UNC13C: variants seen among roughly 807,000 people sequenced by gnomAD.
UNC13C encodes unc-13 homolog C.
UNC13C carries 174 observed loss-of-function variants against 245.4 expected under a neutral mutation model. The observed-to-expected ratio is 0.71, with a 90% CI of 0.63 to 0.80. UNC13C has a LOEUF of 0.80. Ranked by LOEUF, UNC13C falls within the 30% of genes least tolerant of loss-of-function variation. UNC13C has a pLI of 0.00. For synonymous variants in UNC13C, 992 were observed against 895.1 expected, an observed-to-expected ratio of 1.11 and a Z score of -1.93; for missense variants, 2,829 against 2,602.9, an observed-to-expected ratio of 1.09 and a Z score of -1.89.
Position 54,555,447 on chromosome 15 carries a change from GA to G in UNC13C, c.5894del (p.Glu1965GlyfsTer6). The G allele has an allele frequency of 6.2e-7, 1 of 1,612,356 alleles. No homozygotes were observed. The part of the protein sequence containing the change: ...LSKLKEHMIR[E>X]DARGLTPRQC... ...TGTTTTCCAGGAGCACATGATTCGA[GA>G]GGATGCCAGGGGTCTGACGCCAAGA... On this transcript the variant is annotated frameshift_variant, in exon 29 of 33. Transcript: ENST00000260323. LOFTEE classifies it high-confidence loss of function.
At chr15:54,419,129 A>C (rs1453043250) in intron 19 of UNC13C, among the ~76,000 whole-genome samples, 1 of 152,228 alleles carries the variant, frequency 6.6e-6, no homozygotes, top group East Asian at 1.9e-4. Flanking sequence ...GCTATTATTT[A>C]GGTACACCTT....
At chr15:53,983,360 C>T (rs1403870595) in intron 1 of UNC13C, among the ~76,000 whole-genome samples, 1 of 150,218 alleles carries the variant, frequency 6.7e-6, no homozygotes, top group East Asian at 2.0e-4. Flanking sequence ...AGGGAGCTCT[C>T]GTGGCTGAAG....
rs527756950 is a variant in UNC13C, at chr15:54,118,336, G to GT, written c.2984-24676dup. Among the ~76,000 whole-genome samples, 71 of 151,594 alleles carry GT rather than the reference G, an allele frequency of 4.7e-4. 1 individual carries two copies. The highest frequency in any genetic ancestry group is 1.7e-3 in the African/African-American group (70 of 41,312). On this transcript the variant is annotated intron_variant, in intron 2 of 32. Transcript: ENST00000260323. Reference sequence around the variant, plus strand: ...TCCTCTTCAATTTTTTTTCATCAGTGTTTTTTAGTTTTTCTTGTATAGATA... The same window carrying GT: ...TCCTCTTCAATTTTTTTTCATCAGTGTTTTTTTAGTTTTTCTTGTATAGATA...
At chr15:54,486,589 A>C (rs912782424) in intron 19 of UNC13C, among the ~76,000 whole-genome samples, 1 of 152,212 alleles carries the variant, frequency 6.6e-6, no homozygotes, top group Non-Finnish European at 1.5e-5. Context: ...ACTTTGTACT[A>C]TATTTATTTA....
intron 19 of UNC13C, among the ~76,000 whole-genome samples, chr15:54,454,332 T>G (rs2141013410): frequency 6.6e-6 from 1 of 152,166 alleles, no homozygotes; most frequent in Non-Finnish European, 1.5e-5. Flanking sequence ...ATCCCAGCAC[T>G]TTGGGAGGCC....
At chr15:54,016,834 T>C (rs1210661254) in intron 2 of UNC13C, among the ~76,000 whole-genome samples, 1 of 152,226 alleles carries the variant, frequency 6.6e-6, no homozygotes, top group African/African-American at 2.4e-5. Context: ...TATTATTATG[T>C]TCCCTGATCA....
chr15:53,883,710 A>T, the UNC13C span, among the ~76,000 whole-genome samples: 3 of 152,202 alleles, frequency 2.0e-5, no homozygotes, highest in Non-Finnish European at 4.4e-5. Context: ...TTATTTGTCA[A>T]AGGAGTTATA....
At chr15:54,339,517 G>A (rs2038676226) in intron 17 of UNC13C, among the ~76,000 whole-genome samples, 1 of 152,012 alleles carries the variant, frequency 6.6e-6, no homozygotes, top group South Asian at 2.1e-4. Context: ...AACATACAAT[G>A]TTTAGCTTTC....
At chr15:54,019,309 T>C (rs1895794857) in intron 2 of UNC13C, among the ~76,000 whole-genome samples, 1 of 152,162 alleles carries the variant, frequency 6.6e-6, no homozygotes, top group South Asian at 2.1e-4. Flanking sequence ...GAAAAACTGA[T>C]AAGAGATGAA....
intron 2 of UNC13C, among the ~76,000 whole-genome samples, chr15:54,047,421 T>C (rs879662935): frequency 5.3e-5 from 8 of 152,160 alleles, no homozygotes; most frequent in Middle Eastern, 6.8e-3. Flanking sequence ...CTACCCTTCC[T>C]TCTCCCCACC....
At chr15:53,839,207 T>G in the UNC13C span, among the ~76,000 whole-genome samples, 2 of 152,052 alleles carry the variant, frequency 1.3e-5, no homozygotes, top group African/African-American at 2.4e-5. Flanking sequence ...TATTTTTTAC[T>G]GTTCTTCCCA....
chr15:54,467,313 A>C (rs1892228408), intron 19 of UNC13C, among the ~76,000 whole-genome samples: 1 of 151,772 alleles, frequency 6.6e-6, no homozygotes, highest in Non-Finnish European at 1.5e-5. Context: ...TTAAATCCAA[A>C]TATTTGCCAA....
At chr15:54,247,475 C>G (rs1461915607) in intron 7 of UNC13C, among the ~76,000 whole-genome samples, 1 of 152,164 alleles carries the variant, frequency 6.6e-6, no homozygotes, top group Admixed American at 6.5e-5. Flanking sequence ...TGTTCCTAAA[C>G]TATCAACTCA....
chr15:54,129,395 A>T (rs1290160807), intron 2 of UNC13C, among the ~76,000 whole-genome samples: 1 of 152,176 alleles, frequency 6.6e-6, no homozygotes, highest in Non-Finnish European at 1.5e-5. Flanking sequence ...TTAGAAAATT[A>T]ATTAGGTGCA....
intron 4 of UNC13C, among the ~76,000 whole-genome samples, chr15:54,223,016 T>G (rs368055907): frequency 0.046 from 7,018 of 152,240 alleles, 306 homozygotes; most frequent in East Asian, 0.23. Context: ...ATGGATAGAT[T>G]GCAAATATTT....
At chr15:54,135,907 G>C (rs1381153651) in intron 2 of UNC13C, among the ~76,000 whole-genome samples, 1 of 152,098 alleles carries the variant, frequency 6.6e-6, no homozygotes. Context: ...AATTTTGGTA[G>C]AGATTCCTTT....
At chr15:54,096,419 T>C (rs909273383) in intron 2 of UNC13C, among the ~76,000 whole-genome samples, 2 of 152,142 alleles carry the variant, frequency 1.3e-5, no homozygotes, top group African/African-American at 4.8e-5. Context: ...ATGCTGGATA[T>C]AGTATTCTGG....
chr15:54,279,355 A>G (rs2036918063), intron 10 of UNC13C, among the ~76,000 whole-genome samples: 1 of 152,176 alleles, frequency 6.6e-6, no homozygotes, highest in South Asian at 2.1e-4. Context: ...ATTTCCTAAC[A>G]TTTCTCCAGC....
At chr15:54,226,803 C>T (rs1403329175) in intron 4 of UNC13C, among the ~76,000 whole-genome samples, 1 of 152,132 alleles carries the variant, frequency 6.6e-6, no homozygotes, top group Non-Finnish European at 1.5e-5. Context: ...GCTGTAGGCA[C>T]CTGTGTCTGG....
Sources: gnomAD v4.1 joint callset for allele counts (sites outside exome capture counted in the v4.1 genomes callset) on GRCh38, gnomAD v4.1.1 for gene constraint, MANE v1.5 for transcripts, NCBI Gene and HGNC (gene_info 2026-07-23, HGNC 2026-07-21) for gene names.